Variants in RABIF observed in about 807,000 individuals in gnomAD.
The protein encoded by RABIF is guanine nucleotide exchange factor MSS4.
In RABIF, 13 loss-of-function variants were observed where a neutral mutation model predicts 12.3. That is an observed-to-expected ratio of 1.06 (90% CI 0.69 to 1.68). The LOEUF (loss-of-function observed/expected upper bound fraction) is 1.68, where lower values mean the gene tolerates loss of function less well. RABIF is among the 40% of genes most tolerant of loss of function. The probability of loss-of-function intolerance (pLI) is 0.00; values close to 1 mark genes in which losing one functional copy is unlikely to be tolerated. For synonymous variants in RABIF, 70 were observed against 63.3 expected (o/e 1.11, Z -0.50); for missense variants, 153 against 158.0 (o/e 0.97, Z 0.17).
At position 202,878,667 on chromosome 1, in the gene RABIF, C is replaced by CA. The variant is rs1437408946; in HGVS notation, c.*2310dup. ...AAAACAACAGACAATTATGTGGAAA[C>CA]AATCAGGCTTTCACAAAATCAACTG... On this transcript the variant is annotated 3_prime_UTR_variant, in exon 2 of 2. Transcript: ENST00000367262. Among the ~76,000 whole-genome samples, 1 of 152,178 alleles carries CA rather than the reference C, an allele frequency of 6.6e-6. No homozygotes were observed. The highest frequency in any genetic ancestry group is 1.5e-5 in the Non-Finnish European group (1 of 68,022).
intron 1 of RABIF, 55 bp from the exon 2 acceptor site, chr1:202,881,278 A>G (rs1026390418): frequency 1.3e-6 from 2 of 1,563,488 alleles, no homozygotes; most frequent in Non-Finnish European, 1.7e-6. Flanking sequence ...CAGTTCCATC[A>G]ACACCCCCGT....
In RABIF at chr1:202,880,872, T is replaced by C; in HGVS notation, c.*106A>G. On this transcript the variant is annotated 3_prime_UTR_variant, in exon 2 of 2. Transcript: ENST00000367262. ...GACATGCTGGTACTCAGTATTTATA[T>C]TAGCACAGACAAGAAGGCAGCGGAA... is the stretch of plus-strand genomic sequence containing the variant. 6.5e-7 allele frequency: 1 copy of C among 1,532,986 alleles called. No homozygotes were observed. Among genetic ancestry groups the C allele is most frequent in the African/African-American group, 1.4e-5 (1 of 72,680 alleles). 95.0% of individuals were successfully genotyped at this position (1,532,986 alleles called of 1,614,324 possible).
intron 1 of RABIF, among the ~76,000 whole-genome samples, chr1:202,887,333 T>G (rs540531518): frequency 6.6e-6 from 1 of 151,662 alleles, no homozygotes; most frequent in Non-Finnish European, 1.5e-5. Context: ...TCTTAAAACA[T>G]TATGAAAAAT....
At chr1:202,881,575 G>A (rs1255020250) in intron 1 of RABIF, among the ~76,000 whole-genome samples, 1 of 151,980 alleles carries the variant, frequency 6.6e-6, no homozygotes, top group African/African-American at 2.4e-5. Context: ...CTAATTTTTT[G>A]TATTTTTTTT....
chr1:202,887,186 T>G (rs1268740115), intron 1 of RABIF, among the ~76,000 whole-genome samples: 1 of 152,146 alleles, frequency 6.6e-6, no homozygotes, highest in Non-Finnish European at 1.5e-5. Flanking sequence ...ATGGGCTATA[T>G]ACTCGGCACA....
At position 202,884,934 on chromosome 1, in the gene RABIF, A is replaced by G. The variant is rs190671801; in HGVS notation, c.127-3711T>C. On this transcript the variant is annotated intron_variant, in intron 1 of 1. Coordinates refer to ENST00000367262, the MANE Select transcript of RABIF (RefSeq NM_002871.5). ...ACCCCCATCTCTACTAAAAAAATGC[A>G]AAAAATTAGCTGGGCATGGTGGGGG... 2.4e-4 allele frequency among the ~76,000 whole-genome samples: 36 copies of G among 151,942 alleles called. No individual in the cohort carries two copies. The East Asian group carries it at 3.3e-3, about 14-fold the overall frequency.
In RABIF at chr1:202,881,197, C is replaced by T. The variant is rs746562441; in HGVS notation, c.153G>A (p.Lys51=). The part of the protein sequence containing the change: ...RQLFLPSMRK[K]PALSDGSNPD... The stretch of plus-strand genomic sequence containing the variant: ...GATTGCTGCCGTCAGACAGAGCTGG[C>T]TTCTTTCTCATGGAGGGAAGGAAAA... Residue 51 remains lysine (K), a synonymous_variant, in exon 2 of 2, where the codon AAG becomes AAA. Coordinates refer to ENST00000367262, the MANE Select transcript of RABIF (RefSeq NM_002871.5). The T allele has an allele frequency of 6.2e-6, 10 of 1,613,584 alleles. No individual in the cohort carries two copies. Among genetic ancestry groups the T allele is most frequent in the Admixed American group, 1.7e-5 (1 of 59,968 alleles).
Position 202,885,487 on chromosome 1 carries a change from C to G in RABIF, c.126+3486G>C, listed in dbSNP as rs1659548435. ...ACGGCTGGGAGCGCTCCTTTAACACCTGCAGAGATGAGTAACAGCCCTGCT... is the reference window on the plus strand; with the variant it reads ...ACGGCTGGGAGCGCTCCTTTAACACGTGCAGAGATGAGTAACAGCCCTGCT... On this transcript the variant is annotated intron_variant, in intron 1 of 1. Transcript: ENST00000367262. Among the ~76,000 whole-genome samples the G allele has an allele frequency of 3.3e-5, 5 of 152,236 alleles. No homozygotes were observed. The East Asian group carries it at 9.6e-4, about 29-fold the overall frequency.
intron 1 of RABIF, among the ~76,000 whole-genome samples, chr1:202,882,480 G>A (rs547165773): frequency 4.1e-4 from 63 of 152,270 alleles, no homozygotes; most frequent in African/African-American, 1.4e-3. Context: ...CACTTGAGCC[G>A]GGGAGATTGA....
chr1:202,881,299 C>G, intron 1 of RABIF, 76 bp from the exon 2 acceptor site: 1 of 1,518,282 alleles, frequency 6.6e-7, no homozygotes, highest in Non-Finnish European at 8.8e-7. Flanking sequence ...TCTAGGTACA[C>G]TTCACATTGC....
At chr1:202,883,823 T>C (rs1659523787) in intron 1 of RABIF, among the ~76,000 whole-genome samples, 1 of 152,202 alleles carries the variant, frequency 6.6e-6, no homozygotes, top group Non-Finnish European at 1.5e-5. Context: ...GTTTGCTCTA[T>C]TCCTCAACAT....
At chr1:202,884,838 A>G (rs931278940) in intron 1 of RABIF, among the ~76,000 whole-genome samples, 6 of 152,096 alleles carry the variant, frequency 3.9e-5, no homozygotes, top group Non-Finnish European at 8.8e-5. Context: ...TAATCCCAGC[A>G]CTTTGGGAGG....
At chr1:202,886,004 G>A (rs1659555681) in intron 1 of RABIF, among the ~76,000 whole-genome samples, 2 of 149,870 alleles carry the variant, frequency 1.3e-5, no homozygotes, top group South Asian at 2.1e-4. Flanking sequence ...TTTAAAAGAG[G>A]GAAAACATTT....
Position 202,880,906 on chromosome 1 carries a change from C to A in RABIF, c.*72G>T. ...ACAAGAAGGCAGCGGAACAGTTATA[C>A]CACATTAAAGGCCAGTTCTTGTGGG... On this transcript the variant is annotated 3_prime_UTR_variant, in exon 2 of 2. Coordinates refer to ENST00000367262, the MANE Select transcript of RABIF (RefSeq NM_002871.5). The A allele has an allele frequency of 2.5e-6, 4 of 1,578,326 alleles. No individual in the cohort carries two copies. The South Asian group carries it at 3.5e-5, about 14-fold the overall frequency.
rs1280320023 is a variant in RABIF at position 202,878,587 on chromosome 1, GAC to G, written c.*2389_*2390del. 1.3e-5 allele frequency among the ~76,000 whole-genome samples: 2 copies of G among 152,318 alleles called. No individual in the cohort carries two copies. Among genetic ancestry groups the G allele is most frequent in the East Asian group, 3.9e-4 (2 of 5,190 alleles). The stretch of plus-strand genomic sequence containing the variant: ...TGTGTAGCCTCATATACAACATGGT[GAC>G]AATTTGTGAAATGTCAGTACACCAC... On this transcript the variant is annotated 3_prime_UTR_variant, in exon 2 of 2. Coordinates refer to ENST00000367262, the MANE Select transcript of RABIF (RefSeq NM_002871.5).
At chr1:202,886,229 G>A (rs558340211) in intron 1 of RABIF, among the ~76,000 whole-genome samples, 246 of 40,820 alleles carry the variant, frequency 6.0e-3, no homozygotes, top group African/African-American at 0.013. Context: ...AGCACAACGG[G>A]GAACGGGAAC....
chr1:202,885,538 T>G (rs1168520465), intron 1 of RABIF, among the ~76,000 whole-genome samples: 7 of 152,362 alleles, frequency 4.6e-5, no homozygotes, highest in Admixed American at 1.3e-4. Context: ...GTGGTTTATC[T>G]GCAATATGTC....
In RABIF at chr1:202,881,175, T is replaced by C. The variant is rs754171785; in HGVS notation, c.175A>G (p.Asn59Asp). ...TCCTGGAGGAGATCGCCGTCAGGATTGCTGCCGTCAGACAGAGCTGGCTTC... is the reference window on the plus strand; with the variant it reads ...TCCTGGAGGAGATCGCCGTCAGGATCGCTGCCGTCAGACAGAGCTGGCTTC... ...RKKPALSDGS[N>D]PDGDLLQEHW... Residue 59 changes from asparagine (N) to aspartate (D), a missense_variant, in exon 2 of 2, where the codon AAT becomes GAT. Around this residue, in one of 2 missense-constraint regions of RABIF, gnomAD observed 113 missense variants for 90.9 expected, o/e 1.24. Coordinates refer to ENST00000367262, the MANE Select transcript of RABIF (RefSeq NM_002871.5). 3.1e-6 allele frequency: 5 copies of C among 1,614,172 alleles called. No homozygotes were observed. The highest frequency in any genetic ancestry group is 4.2e-6 in the Non-Finnish European group (5 of 1,180,026).
At chr1:202,888,734 G>A (rs1213048366) in intron 1 of RABIF, among the ~76,000 whole-genome samples, 1 of 152,164 alleles carries the variant, frequency 6.6e-6, no homozygotes, top group Non-Finnish European at 1.5e-5. Context: ...TGGCTGGGCC[G>A]GGTGGCCCAG....
Sources: allele counts gnomAD v4.1 joint callset (sites outside exome capture counted in the v4.1 genomes callset), GRCh38; gene constraint gnomAD v4.1.1; regional missense constraint gnomAD v4.1.1; transcripts MANE v1.5; gene names NCBI Gene and HGNC (gene_info 2026-07-23, HGNC 2026-07-21).